ZNF507: variants seen among roughly 807,000 people sequenced by gnomAD.
ZNF507 encodes the protein zinc finger protein 507.
ZNF507 carries 29 observed loss-of-function variants against 80.0 expected under a neutral mutation model. The observed-to-expected ratio is 0.36, with a 90% CI of 0.27 to 0.49. The LOEUF is 0.49. ZNF507 is among the 20% of genes least tolerant of loss of function. The pLI is 0.98. For synonymous variants in ZNF507, 462 were observed against 422.5 expected, an observed-to-expected ratio of 1.09 and a Z score of -1.15; for missense variants, 1,081 against 1,152.2, an observed-to-expected ratio of 0.94 and a Z score of 0.90.
intron 5 of ZNF507, among the ~76,000 whole-genome samples, chr19:32,374,839 G>A (rs1967525478): frequency 6.6e-6 from 1 of 152,150 alleles, no homozygotes; most frequent in Non-Finnish European, 1.5e-5. Flanking sequence ...CCACAACACT[G>A]CATAGCAGTG....
At chr19:32,379,565 T>A (rs1379508979) in intron 5 of ZNF507, among the ~76,000 whole-genome samples, 6 of 152,258 alleles carry the variant, frequency 3.9e-5, no homozygotes, top group African/African-American at 1.2e-4. Flanking sequence ...TTGACAGTGA[T>A]GTGTATCATT....
intron 3 of ZNF507, among the ~76,000 whole-genome samples, chr19:32,355,454 G>T (rs1415789975): frequency 1.3e-5 from 2 of 152,152 alleles, no homozygotes; most frequent in Non-Finnish European, 2.9e-5. Flanking sequence ...CCTATTAAAA[G>T]GTACTGTCAT....
In ZNF507 at chr19:32,356,676, A is replaced by T; in HGVS notation, c.2188A>T (p.Thr730Ser). The change falls in exon 4 of 7, where the codon ACT (threonine) becomes TCT (serine). Residue 730 changes from threonine to serine, a missense_variant. By Grantham distance (58) the Thr-to-Ser change is moderately conservative (BLOSUM62 1). This residue lies in a region of ZNF507 where 614 missense variants were observed against 583.9 expected (regional missense o/e 1.05). Coordinates refer to ENST00000355898, the MANE Select transcript of ZNF507 (RefSeq NM_001136156.2). ...TCTTCCAGATACCTTGTCAATAGCA[A>T]CTTCTAATGAGCCAAGAATTTCCAG... ...HSLPDTLSIA[T>S]SNEPRISSDT... 2 of 1,614,146 alleles carry T rather than the reference A, an allele frequency of 1.2e-6. No homozygotes were observed. The highest frequency in any genetic ancestry group is 2.2e-5 in the South Asian group (2 of 91,086).
chr19:32,351,471 G>GTGTGTGTGTGT (rs56408758), intron 2 of ZNF507, among the ~76,000 whole-genome samples: 14 of 123,250 alleles, frequency 1.1e-4, no homozygotes, highest in Non-Finnish European at 1.2e-4. Context: ...GTGTGTGTGT[G>GTGTGTGTGTGT]GCGTGGGGGG....
At position 32,386,432 on chromosome 19, in the gene ZNF507, ATATATT is replaced by A. The variant is rs1249607185; in HGVS notation, c.*3352_*3357del. ...GGTGCTCTAAGTAATATTCGATAAA[ATATATT>A]TAATAGAAATTTGCGTTTGATATTC... is the stretch of plus-strand genomic sequence containing the variant. On this transcript the variant is annotated 3_prime_UTR_variant, in exon 7 of 7. Transcript: ENST00000355898. 6.6e-6 allele frequency: 1 copy of A among 152,632 alleles called. No homozygotes were observed. The highest frequency in any genetic ancestry group is 2.4e-5 in the African/African-American group (1 of 41,470). The allele number at this position is 152,632 out of a possible 1,614,324, so 9.5% of individuals were successfully genotyped here. A position where few individuals can be genotyped will look rare whatever the true frequency, so the allele number is the denominator to read the frequency against.
chr19:32,376,994 TAACTA>T (rs1967556639), intron 5 of ZNF507, among the ~76,000 whole-genome samples: 1 of 152,082 alleles, frequency 6.6e-6, no homozygotes, highest in Non-Finnish European at 1.5e-5. Context: ...TTGCTACTGT[TAACTA>T]AAAGGCAGAG....
chr19:32,359,405 G>C (rs1967292254), intron 4 of ZNF507: 1 of 152,124 alleles, frequency 6.6e-6, no homozygotes, highest in African/African-American at 2.4e-5. Flanking sequence ...GGTGTATACA[G>C]GTGTTCTACC....
intron 5 of ZNF507, among the ~76,000 whole-genome samples, chr19:32,381,574 C>T (rs548198439): frequency 6.6e-6 from 1 of 152,196 alleles, no homozygotes; most frequent in Admixed American, 6.5e-5. Context: ...CAAGACTGCA[C>T]TCCAGCCTGG....
At chr19:32,359,777 T>C (rs1967297038) in intron 4 of ZNF507, 1 of 152,256 alleles carries the variant, frequency 6.6e-6, no homozygotes, top group Admixed American at 6.5e-5. Context: ...GAAAGAATTA[T>C]ACATTGCATA....
chr19:32,376,872 CAG>C (rs1491417309), intron 5 of ZNF507, among the ~76,000 whole-genome samples: 1 of 152,102 alleles, frequency 6.6e-6, no homozygotes, highest in Non-Finnish European at 1.5e-5. Context: ...GTCCACTGGA[CAG>C]GGGGCCCTTC....
At chr19:32,350,233 T>C (rs1967145061) in intron 2 of ZNF507, among the ~76,000 whole-genome samples, 1 of 151,720 alleles carries the variant, frequency 6.6e-6, no homozygotes, top group South Asian at 2.1e-4. Context: ...GACTTGTTTT[T>C]ATGAGATTAA....
chr19:32,383,623 A>G lies in ZNF507; in HGVS notation c.*540A>G, dbSNP rs1289551548. On this transcript the variant is annotated 3_prime_UTR_variant, in exon 7 of 7. Transcript: ENST00000355898. ...TTTGAAATGATCTACTGAAATACCT[A>G]AATTGATAGAAATTAATCATACTCA... 1 of 152,750 alleles carries G rather than the reference A, an allele frequency of 6.5e-6. No homozygotes were observed. The highest frequency in any genetic ancestry group is 2.4e-5 in the African/African-American group (1 of 41,444). 9.5% of individuals were successfully genotyped at this position (152,750 alleles called of 1,614,324 possible).
chr19:32,371,637 ATTATTATT>A (rs1967473550), intron 5 of ZNF507, among the ~76,000 whole-genome samples: 1 of 88,348 alleles, frequency 1.1e-5, no homozygotes. Context: ...TATTATTATT[ATTATTATT>A]TTTTTTTTTT....
chr19:32,369,732 C>T (rs1967444578), intron 5 of ZNF507, among the ~76,000 whole-genome samples: 1 of 151,948 alleles, frequency 6.6e-6, no homozygotes, highest in Non-Finnish European at 1.5e-5. Context: ...TGAAGCAAAT[C>T]AGCATATCTA....
At position 32,384,832 on chromosome 19, in the gene ZNF507, C is replaced by T. The variant is rs889128110; in HGVS notation, c.*1749C>T. The T allele has an allele frequency of 8.6e-5, 13 of 151,784 alleles. No individual in the cohort carries two copies. The highest frequency in any genetic ancestry group is 8.3e-4 in the South Asian group (4 of 4,812). The allele number at this position is 151,784 out of a possible 1,614,324, so 9.4% of individuals were successfully genotyped here. A position where few individuals can be genotyped will look rare whatever the true frequency, so the allele number is the denominator to read the frequency against. ...TATGAAAGTTAATCCATTTCTGATA[C>T]GTGGTTTTTAAAAATATGAAATGGA... On this transcript the variant is annotated 3_prime_UTR_variant, in exon 7 of 7. Transcript: ENST00000355898.
intron 5 of ZNF507, among the ~76,000 whole-genome samples, chr19:32,361,461 T>C (rs1967320578): frequency 6.6e-6 from 1 of 152,186 alleles, no homozygotes; most frequent in African/African-American, 2.4e-5. Flanking sequence ...AAAAGGTCAT[T>C]GTTTAATCCC....
chr19:32,385,745 A>G lies in ZNF507; in HGVS notation c.*2662A>G, dbSNP rs1967679604. The G allele has an allele frequency of 6.6e-6, 1 of 152,104 alleles. No homozygotes were observed. Among genetic ancestry groups the G allele is most frequent in the African/African-American group, 2.4e-5 (1 of 41,412 alleles). 9.4% of individuals were successfully genotyped at this position (152,104 alleles called of 1,614,324 possible). On this transcript the variant is annotated 3_prime_UTR_variant, in exon 7 of 7. Coordinates refer to ENST00000355898, the MANE Select transcript of ZNF507 (RefSeq NM_001136156.2). ...TGGGAGGATCACTTGAGCCTGGGAGATAGAGGCTTGCAGTGAGCCGTGATG... is the reference window on the plus strand; with the variant it reads ...TGGGAGGATCACTTGAGCCTGGGAGGTAGAGGCTTGCAGTGAGCCGTGATG...
chr19:32,374,186 A>ACACACACACACT (rs1188068563), intron 5 of ZNF507, among the ~76,000 whole-genome samples: 6 of 151,190 alleles, frequency 4.0e-5, no homozygotes, highest in Non-Finnish European at 8.8e-5. Flanking sequence ...ACACACACAC[A>ACACACACACACT]CACTCTCTCT....
chr19:32,369,593 T>C (rs1967442514), intron 5 of ZNF507, among the ~76,000 whole-genome samples: 1 of 152,252 alleles, frequency 6.6e-6, no homozygotes, highest in African/African-American at 2.4e-5. Flanking sequence ...AAATGATTTG[T>C]TAGACATAGC....
Sources: gnomAD v4.1 joint callset for allele counts (sites outside exome capture counted in the v4.1 genomes callset) on GRCh38, gnomAD v4.1.1 for gene constraint, gnomAD v4.1.1 regional missense constraint, MANE v1.5 for transcripts, NCBI Gene and HGNC (gene_info 2026-07-23, HGNC 2026-07-21) for gene names.